The following NXPE2 variants were observed in gnomAD, a reference collection of about 807,000 sequenced individuals.
NXPE2 encodes the protein NXPE family member 2.
In NXPE2, 34 loss-of-function variants were observed where a neutral mutation model predicts 34.4. The ratio of observed to expected loss-of-function variants is 0.99; its 90% CI spans 0.75 to 1.31. The LOEUF (loss-of-function observed/expected upper bound fraction) is 1.31. Among genes scored for constraint, NXPE2 ranks in the 40% most tolerant of loss-of-function variants. NXPE2 has a pLI of 0.00. For synonymous variants in NXPE2, 235 were observed against 231.3 expected, an observed-to-expected ratio of 1.02 and a Z score of -0.15; for missense variants, 649 against 672.5, an observed-to-expected ratio of 0.97 and a Z score of 0.39.
the NXPE2 span, among the ~76,000 whole-genome samples, chr11:114,606,807 G>T: frequency 2.0e-5 from 3 of 151,930 alleles, no homozygotes; most frequent in Non-Finnish European, 4.4e-5. Flanking sequence ...TGCTTGTAGG[G>T]TAACCACTGT....
chr11:114,731,463 G>A, the NXPE2 span, among the ~76,000 whole-genome samples: 3 of 152,168 alleles, frequency 2.0e-5, no homozygotes. Flanking sequence ...ACCCAAACTG[G>A]AAATAATGTA....
At chr11:114,564,412 C>A in the NXPE2 span, among the ~76,000 whole-genome samples, 6 of 152,060 alleles carry the variant, frequency 3.9e-5, no homozygotes, top group African/African-American at 1.4e-4. Context: ...CCATTAATCA[C>A]AAATAATCAT....
Position 114,698,103 on chromosome 11 carries a change from A to T in NXPE2, c.191A>T (p.Tyr64Phe), listed in dbSNP as rs1490639863. Residue 64 changes from tyrosine (Y) to phenylalanine (F), a missense_variant, in exon 3 of 6, where the codon TAT becomes TTT. Coordinates refer to ENST00000389586, the MANE Select transcript of NXPE2 (RefSeq NM_182495.6). ...ILNQGNIFKK[Y>F]SHSETPLCPA... ...AACCAAGGGAACATCTTCAAAAAATATTCACACTCTGAAACACCACTGTGT... is the reference window on the plus strand; with the variant it reads ...AACCAAGGGAACATCTTCAAAAAATTTTCACACTCTGAAACACCACTGTGT... 1 of 1,609,482 alleles carries T rather than the reference A, an allele frequency of 6.2e-7. No individual in the cohort carries two copies. Among genetic ancestry groups the T allele is most frequent in the East Asian group, 2.2e-5 (1 of 44,800 alleles).
chr11:114,753,664 C>T, the NXPE2 span, among the ~76,000 whole-genome samples: 2 of 152,144 alleles, frequency 1.3e-5, no homozygotes, highest in South Asian at 2.1e-4. Flanking sequence ...CTGAGCCATG[C>T]GTAAAGAGAA....
the NXPE2 span, chr11:114,581,688 G>T: frequency 1.3e-6 from 2 of 1,530,458 alleles, no homozygotes; most frequent in Non-Finnish European, 1.8e-6. Context: ...AATGGGTCTA[G>T]AACTAGGCAC....
the NXPE2 span, among the ~76,000 whole-genome samples, chr11:114,759,187 A>T: frequency 6.6e-6 from 1 of 152,194 alleles, no homozygotes; most frequent in Admixed American, 6.5e-5. Flanking sequence ...TTTCACCCAC[A>T]CAGAAGTCTT....
At chr11:114,722,428 A>T in the NXPE2 span, among the ~76,000 whole-genome samples, 10 of 149,586 alleles carry the variant, frequency 6.7e-5, no homozygotes, top group African/African-American at 2.5e-4. Context: ...TTTTTTTTTT[A>T]AATAAATTAC....
At chr11:114,501,221 C>T in the NXPE2 span, among the ~76,000 whole-genome samples, 1 of 152,136 alleles carries the variant, frequency 6.6e-6, no homozygotes, top group Non-Finnish European at 1.5e-5. Context: ...CACCCCAGAC[C>T]TAATTTTCAC....
At chr11:114,811,256 G>A in the NXPE2 span, among the ~76,000 whole-genome samples, 2,073 of 151,254 alleles carry the variant, frequency 0.014, 19 homozygotes, top group Non-Finnish European at 0.021. Context: ...TAGTGGGTTC[G>A]GCACACCAAC....
the NXPE2 span, among the ~76,000 whole-genome samples, chr11:114,574,689 T>C: frequency 1.4e-4 from 22 of 152,094 alleles, no homozygotes; most frequent in Non-Finnish European, 2.5e-4. Context: ...AACAGTGAGA[T>C]TGAAATGATA....
At chr11:114,552,974 G>T in the NXPE2 span, 1 of 463,776 alleles carries the variant, frequency 2.2e-6, no homozygotes. Flanking sequence ...GTTGATCTCT[G>T]AAGAAACCTT....
chr11:114,791,322 A>G, the NXPE2 span, among the ~76,000 whole-genome samples: 50,087 of 152,054 alleles, frequency 0.33, 9,357 homozygotes, highest in Non-Finnish European at 0.41. Context: ...TATATGCCCA[A>G]ACTATTCTTT....
the NXPE2 span, among the ~76,000 whole-genome samples, chr11:114,557,272 CTACTT>C: frequency 6.6e-6 from 1 of 152,046 alleles, no homozygotes; most frequent in African/African-American, 2.4e-5. Context: ...GTTATAAAAA[CTACTT>C]TAATAATTTC....
the NXPE2 span, among the ~76,000 whole-genome samples, chr11:114,657,824 A>G: frequency 6.6e-6 from 1 of 152,284 alleles, no homozygotes; most frequent in Non-Finnish European, 1.5e-5. Context: ...TTTCACTTAC[A>G]AATCAGCTTC....
the NXPE2 span, among the ~76,000 whole-genome samples, chr11:114,772,299 G>T: frequency 0.095 from 14,364 of 151,924 alleles, 790 homozygotes; most frequent in African/African-American, 0.15. Context: ...ACACATTCGT[G>T]GTAATTAGTA....
the NXPE2 span, among the ~76,000 whole-genome samples, chr11:114,519,419 C>G: frequency 1.3e-5 from 2 of 152,116 alleles, no homozygotes; most frequent in Non-Finnish European, 2.9e-5. Context: ...ATAAAGTTCT[C>G]TTTGGGGGAA....
At chr11:114,494,361 G>A in the NXPE2 span, among the ~76,000 whole-genome samples, 1 of 151,982 alleles carries the variant, frequency 6.6e-6, no homozygotes, top group African/African-American at 2.4e-5. Context: ...GACTCTAGAT[G>A]TTGTAGGCTT....
At chr11:114,668,918 A>G in the NXPE2 span, among the ~76,000 whole-genome samples, 1 of 152,128 alleles carries the variant, frequency 6.6e-6, no homozygotes, top group African/African-American at 2.4e-5. Flanking sequence ...TTTAAGAAAA[A>G]TGACTGAATT....
chr11:114,701,811 A>AT (rs960935521), intron 3 of NXPE2, among the ~76,000 whole-genome samples: 2 of 152,202 alleles, frequency 1.3e-5, no homozygotes, highest in Admixed American at 6.5e-5. Context: ...TATTCAAAGC[A>AT]TTTTCAATCA....
Sources: allele counts gnomAD v4.1 joint callset (sites outside exome capture counted in the v4.1 genomes callset), GRCh38; gene constraint gnomAD v4.1.1; transcripts MANE v1.5; gene names NCBI Gene and HGNC (gene_info 2026-07-23, HGNC 2026-07-21).